Variants in THADA observed in about 807,000 individuals in gnomAD.
THADA encodes the protein THADA armadillo repeat containing.
In THADA, 213 loss-of-function variants were observed where a neutral mutation model predicts 219.8. The ratio of observed to expected loss-of-function variants is 0.97; its 90% confidence interval spans 0.87 to 1.09. The LOEUF (loss-of-function observed/expected upper bound fraction) is 1.09. Among genes scored for constraint, THADA ranks in the 50% least tolerant of loss-of-function variants. The pLI is 0.00. For missense variants in THADA, 2,956 were observed against 2,311.3 expected (o/e 1.28, Z -5.72); for synonymous variants, 1,018 against 828.9 (o/e 1.23, Z -3.92).
chr2:43,432,697 T>C (rs1415180174), intron 26 of THADA, among the ~76,000 whole-genome samples: 3 of 152,352 alleles, frequency 2.0e-5, no homozygotes, highest in East Asian at 1.9e-4. Context: ...TTGTTTTGTT[T>C]TTCCTTCCTT....
intron 25 of THADA, among the ~76,000 whole-genome samples, chr2:43,489,874 C>CAAAAAAAAACAAAAAAAAAAA (rs1687406213): frequency 1.8e-5 from 1 of 56,088 alleles, no homozygotes; most frequent in African/African-American, 6.7e-5. Context: ...TTAAGATCTG[C>CAAAAAAAAACAAAAAAAAAAA]AAAAAAAAAA....
intron 26 of THADA, among the ~76,000 whole-genome samples, chr2:43,479,550 C>G (rs1685935667): frequency 6.6e-6 from 1 of 151,774 alleles, no homozygotes; most frequent in South Asian, 2.1e-4. Flanking sequence ...TCATAAGCCT[C>G]AAAATCCTCT....
At chr2:43,587,093 TGA>T in intron 4 of THADA, 91 bp from the exon 5 acceptor site, 1 of 1,321,440 alleles carries the variant, frequency 7.6e-7, no homozygotes, top group Non-Finnish European at 1.0e-6. Flanking sequence ...GTGGGAATAC[TGA>T]ACTAAATCTT....
rs10201898 is a variant in THADA at position 43,291,746 on chromosome 2, G to C, written c.4960C>G (p.Leu1654Val). 19 of 1,553,442 alleles carry C rather than the reference G, an allele frequency of 1.2e-5. No individual in the cohort carries two copies. Among genetic ancestry groups the C allele is most frequent in the Non-Finnish European group, 1.7e-5 (19 of 1,146,870 alleles). The part of the protein sequence containing the change: ...NERSEIQSVA[L>V]RLASKVISHH... ...GAAATGACTTTGGAAGCAAGTCTCA[G>C]AGCTACACTCTGAATTTCAGATCTA... Residue 1654 changes from leucine to valine, a missense_variant, in exon 34 of 38, where the codon CTG becomes GTG. Transcript: ENST00000405975.
At chr2:43,566,414 A>G (rs1481628813) in intron 15 of THADA, 5 of 698,234 alleles carry the variant, frequency 7.2e-6, no homozygotes, top group Non-Finnish European at 1.3e-5. Flanking sequence ...AAACAGCAAC[A>G]AACAAATTAG....
intron 21 of THADA, among the ~76,000 whole-genome samples, chr2:43,533,939 G>A (rs1221971667): frequency 1.3e-5 from 2 of 152,066 alleles, no homozygotes; most frequent in African/African-American, 4.8e-5. Context: ...TTGTTTGCAG[G>A]TGACATTATG....
At chr2:43,568,833 A>G (rs1283866428) in intron 14 of THADA, among the ~76,000 whole-genome samples, 1 of 152,166 alleles carries the variant, frequency 6.6e-6, no homozygotes, top group Non-Finnish European at 1.5e-5. Flanking sequence ...ATTTGAGGCC[A>G]GGATTTTGAA....
chr2:43,438,351 T>A (rs1680409952), intron 26 of THADA, among the ~76,000 whole-genome samples: 1 of 148,640 alleles, frequency 6.7e-6, no homozygotes, highest in Admixed American at 6.7e-5. Context: ...TTTTATACCC[T>A]CAAATTGGCA....
At chr2:43,408,514 G>T (rs940871424) in intron 28 of THADA, 1 of 152,206 alleles carries the variant, frequency 6.6e-6, no homozygotes, top group Non-Finnish European at 1.5e-5. Flanking sequence ...ACAGTCATCA[G>T]CTTTAAGTGA....
At chr2:43,259,321 T>C (rs1670679965) in intron 36 of THADA, among the ~76,000 whole-genome samples, 1 of 152,240 alleles carries the variant, frequency 6.6e-6, no homozygotes, top group Non-Finnish European at 1.5e-5. Context: ...TCCTGAGTCT[T>C]GATCCATGAA....
chr2:43,393,700 T>A (rs1573435214), intron 29 of THADA, among the ~76,000 whole-genome samples: 2 of 137,024 alleles, frequency 1.5e-5, no homozygotes, highest in African/African-American at 2.7e-5. Flanking sequence ...AGAGCGAGAC[T>A]CCGTCTTAAA....
chr2:43,405,914 T>C (rs139455727), intron 28 of THADA, among the ~76,000 whole-genome samples: 39 of 152,240 alleles, frequency 2.6e-4, no homozygotes, highest in Non-Finnish European at 4.4e-4. Flanking sequence ...CAACAGAACA[T>C]CTGAAAACTG....
In THADA at chr2:43,558,219, T is replaced by C. The variant is rs1038244605; in HGVS notation, c.2464-1664A>G. On this transcript the variant is annotated intron_variant, in intron 16 of 37. Transcript: ENST00000405975. ...GTGAGTAGGATAGTCAAGCTATTTA[T>C]GAGAAAAATATGCCGTCAACAATAC... Among the ~76,000 whole-genome samples, 6 of 152,182 alleles carry C rather than the reference T, an allele frequency of 3.9e-5. 1 individual carries two copies. The highest frequency in any genetic ancestry group is 9.7e-5 in the African/African-American group (4 of 41,436).
chr2:43,272,889 G>A (rs1250098235), intron 36 of THADA, among the ~76,000 whole-genome samples: 1 of 152,018 alleles, frequency 6.6e-6, no homozygotes, highest in Non-Finnish European at 1.5e-5. Flanking sequence ...GCCTCCGAAA[G>A]TGCTGGGATT....
chr2:43,408,163 A>T (rs892793541), intron 28 of THADA: 1 of 152,386 alleles, frequency 6.6e-6, no homozygotes, highest in African/African-American at 2.4e-5. Flanking sequence ...AGTTGCAGCC[A>T]TCAACCAACA....
At chr2:43,569,383 T>G (rs553089448) in intron 14 of THADA, among the ~76,000 whole-genome samples, 1 of 152,344 alleles carries the variant, frequency 6.6e-6, no homozygotes, top group African/African-American at 2.4e-5. Flanking sequence ...AAAGAGCTTT[T>G]TCATTTAATC....
intron 15 of THADA, among the ~76,000 whole-genome samples, chr2:43,560,959 G>C (rs967612452): frequency 6.7e-6 from 1 of 150,362 alleles, no homozygotes; most frequent in African/African-American, 2.4e-5. Context: ...GGAGATTGCA[G>C]TGAGCTGAGC....
At chr2:43,384,009 C>T (rs1395318688) in intron 29 of THADA, among the ~76,000 whole-genome samples, 3 of 152,014 alleles carry the variant, frequency 2.0e-5, no homozygotes, top group Non-Finnish European at 2.9e-5. Context: ...CACAGGCTAC[C>T]CCCCTACCCC....
intron 4 of THADA, 101 bp from the exon 5 acceptor site, chr2:43,587,103 C>T: frequency 8.1e-7 from 1 of 1,232,542 alleles, no homozygotes; most frequent in Non-Finnish European, 1.1e-6. Context: ...TGAACTAAAT[C>T]TTCAAAATAC....
Sources: gnomAD v4.1 joint callset for allele counts (sites outside exome capture counted in the v4.1 genomes callset) on GRCh38, gnomAD v4.1.1 for gene constraint, MANE v1.5 for transcripts, NCBI Gene and HGNC (gene_info 2026-07-23, HGNC 2026-07-21) for gene names.